Variants in ZNF7 observed in about 807,000 individuals in gnomAD.
The protein encoded by ZNF7 is zinc finger protein 7.
In ZNF7, 10 loss-of-function variants were observed where a neutral mutation model predicts 12.0. The observed-to-expected ratio is 0.83, with a 90% CI of 0.51 to 1.42. The LOEUF (loss-of-function observed/expected upper bound fraction) is 1.42, where lower values mean the gene tolerates loss of function less well. Among genes scored for constraint, ZNF7 ranks in the 40% most tolerant of loss-of-function variants. The probability of loss-of-function intolerance (pLI) is 0.00; values close to 1 mark genes in which losing one functional copy is unlikely to be tolerated. For missense variants in ZNF7, 854 were observed against 837.2 expected, an observed-to-expected ratio of 1.02 and a Z score of -0.25; for synonymous variants, 334 against 295.0, an observed-to-expected ratio of 1.13 and a Z score of -1.35.
intron 1 of ZNF7, chr8:144,828,692 C>T: frequency 3.5e-6 from 1 of 287,122 alleles, no homozygotes; most frequent in Non-Finnish European, 6.9e-6. Flanking sequence ...TTGCAGTGTG[C>T]TTATTTGTGT....
At chr8:144,829,450 C>T in intron 2 of ZNF7, 28 bp from the exon 3 acceptor site, 1 of 1,613,520 alleles carries the variant, frequency 6.2e-7, no homozygotes, top group East Asian at 2.2e-5. Context: ...CCCAGGGATT[C>T]CTGGGGTGCT....
chr8:144,828,711 A>G, intron 1 of ZNF7: 1 of 316,124 alleles, frequency 3.2e-6, no homozygotes, highest in African/African-American at 2.1e-5. Context: ...GTGGTTATTT[A>G]ACTCTTTCCT....
chr8:144,847,375 G>A (rs909245), downstream of ZNF7: 54,234 of 151,998 alleles, frequency 0.36, 9,775 homozygotes, highest in South Asian at 0.46. Flanking sequence ...CCAGGAGTTC[G>A]GAGACCACAG....
chr8:144,843,332 G>A lies in ZNF7; in HGVS notation c.*164G>A, dbSNP rs1384491419. The A allele has an allele frequency of 3.6e-6, 3 of 842,728 alleles. No individual in the cohort carries two copies. The highest frequency in any genetic ancestry group is 5.2e-6 in the Non-Finnish European group (3 of 576,076). 52.2% of individuals were successfully genotyped at this position (842,728 alleles called of 1,614,324 possible). On this transcript the variant is annotated 3_prime_UTR_variant, in exon 5 of 5. Coordinates refer to ENST00000532777, the MANE Select transcript of ZNF7 (RefSeq NM_003416.4). The stretch of plus-strand genomic sequence containing the variant: ...AGGCCGAGTGTGGTGGCTTATGCCT[G>A]TCATCCCAGCACTTTGGGAGGCCAA...
intron 4 of ZNF7, chr8:144,838,481 A>G (rs1300187701): frequency 3.6e-6 from 1 of 280,908 alleles, no homozygotes; most frequent in Non-Finnish European, 6.7e-6. Flanking sequence ...GACAAGGGAG[A>G]TGGGTCTGCG....
chr8:144,846,740 T>G (rs936878369), downstream of ZNF7: 1 of 152,950 alleles, frequency 6.5e-6, no homozygotes, highest in South Asian at 2.1e-4. Flanking sequence ...GCTCTGTCCC[T>G]CAGGCTGAAG....
chr8:144,841,241 A>C (rs1333958660), intron 4 of ZNF7, 114 bp from the exon 5 acceptor site: 2 of 1,085,552 alleles, frequency 1.8e-6, no homozygotes, highest in East Asian at 4.8e-5. Context: ...CTGGGGCCTC[A>C]CAGTGCTCAG....
intron 3 of ZNF7, chr8:144,834,646 A>C (rs1230918179): frequency 6.6e-6 from 1 of 151,546 alleles, no homozygotes; most frequent in Non-Finnish European, 1.5e-5. Flanking sequence ...TTATATATAA[A>C]TTTTGATATG....
intron 3 of ZNF7, among the ~76,000 whole-genome samples, chr8:144,831,185 C>A (rs1480687243): frequency 6.6e-6 from 1 of 152,186 alleles, no homozygotes; most frequent in African/African-American, 2.4e-5. Flanking sequence ...GCAGTCATTC[C>A]CCCAGCAGCA....
chr8:144,843,380 G>A lies in ZNF7; in HGVS notation c.*212G>A. 1.9e-6 allele frequency: 1 copy of A among 525,224 alleles called. No individual in the cohort carries two copies. The highest frequency in any genetic ancestry group is 3.2e-6 in the Non-Finnish European group (1 of 311,702). The allele number at this position is 525,224 out of a possible 1,614,324, so 32.5% of individuals were successfully genotyped here. On this transcript the variant is annotated 3_prime_UTR_variant, in exon 5 of 5. Coordinates refer to ENST00000532777, the MANE Select transcript of ZNF7 (RefSeq NM_003416.4). Reference sequence around the variant, plus strand: ...CAAGGCGGGCACATCACGAGGTCAGGAGGTTGAGACCATCCTGGGTAACAG... The same window carrying A: ...CAAGGCGGGCACATCACGAGGTCAGAAGGTTGAGACCATCCTGGGTAACAG...
chr8:144,844,696 T>G (rs1429405163), downstream of ZNF7, among the ~76,000 whole-genome samples: 5 of 120,366 alleles, frequency 4.2e-5, no homozygotes, highest in East Asian at 2.5e-4. Context: ...GTGACAAGAG[T>G]GTGACTCTGT....
At position 144,837,384 on chromosome 8, in the gene ZNF7, C is replaced by T. The variant is rs765891872; in HGVS notation, c.131-7C>T. 4 of 1,602,286 alleles carry T rather than the reference C, an allele frequency of 2.5e-6. No individual in the cohort carries two copies. Among genetic ancestry groups the T allele is most frequent in the African/African-American group, 2.7e-5 (2 of 74,754 alleles). Reference sequence around the variant, plus strand: ...TGACACTGTTGTCTTCTCTGCCGCACACACAGCAGGATTCCTGGTTTTCAA... The same window carrying T: ...TGACACTGTTGTCTTCTCTGCCGCATACACAGCAGGATTCCTGGTTTTCAA... On this transcript the variant is annotated splice_polypyrimidine_tract_variant and splice_region_variant and intron_variant, in intron 3 of 4. Coordinates refer to ENST00000532777, the MANE Select transcript of ZNF7 (RefSeq NM_003416.4).
chr8:144,829,332 C>G, intron 2 of ZNF7, 146 bp from the exon 3 acceptor site: 1 of 1,542,550 alleles, frequency 6.5e-7, no homozygotes, highest in South Asian at 1.2e-5. Context: ...CCGAGACTGC[C>G]CCTCCCCAGA....
chr8:144,839,696 C>A (rs1046582698), intron 4 of ZNF7, among the ~76,000 whole-genome samples: 1 of 152,242 alleles, frequency 6.6e-6, no homozygotes, highest in Non-Finnish European at 1.5e-5. Context: ...ATAAAACATG[C>A]AGCAGCACAA....
chr8:144,842,328 C>A lies in ZNF7; in HGVS notation c.1221C>A (p.His407Gln). Residue 407 changes from histidine (H) to glutamine (Q), a missense_variant, in exon 5 of 5, where the codon CAC becomes CAA. Transcript: ENST00000532777. ...GCCTTGTTGCACATCAGAGAATTCA[C>A]GCTGTAGAGAAACCATTTAAGTGTG... ...SPSLVAHQRIHAVEKPFKCDE... is the reference protein window; with the variant it reads ...SPSLVAHQRIQAVEKPFKCDE... The A allele has an allele frequency of 6.2e-7, 1 of 1,613,976 alleles. No individual in the cohort carries two copies. Among genetic ancestry groups the A allele is most frequent in the Non-Finnish European group, 8.5e-7 (1 of 1,180,040 alleles).
chr8:144,846,034 T>G (rs1394891815), downstream of ZNF7: 1 of 1,536,654 alleles, frequency 6.5e-7, no homozygotes, highest in Non-Finnish European at 8.7e-7. Context: ...ATGCACCGCC[T>G]GCAACTCCTG....
At chr8:144,828,957 G>T in intron 1 of ZNF7, 86 bp from the exon 2 acceptor site, 1 of 1,516,866 alleles carries the variant, frequency 6.6e-7, no homozygotes, top group South Asian at 1.2e-5. Flanking sequence ...GGAGGTAAAG[G>T]AGCAGAGAGC....
chr8:144,835,621 A>C (rs1474034808), intron 3 of ZNF7: 1 of 152,176 alleles, frequency 6.6e-6, no homozygotes, highest in African/African-American at 2.4e-5. Context: ...ATGTTTTCAA[A>C]TAACTGGCTT....
downstream of ZNF7, chr8:144,846,290 T>C (rs1262412837): frequency 3.7e-6 from 4 of 1,073,098 alleles, no homozygotes; most frequent in African/African-American, 4.8e-5. Context: ...GGATTCTCTC[T>C]GGATTGACAT....
Sources: gnomAD v4.1 joint callset for allele counts (sites outside exome capture counted in the v4.1 genomes callset) on GRCh38, gnomAD v4.1.1 for gene constraint, MANE v1.5 for transcripts, NCBI Gene and HGNC (gene_info 2026-07-23, HGNC 2026-07-21) for gene names.